SLC2A13: variants seen among roughly 807,000 people sequenced by gnomAD.
The protein encoded by SLC2A13 is proton myo-inositol cotransporter.
In SLC2A13, 32 loss-of-function variants were observed where a neutral mutation model predicts 64.4. The ratio of observed to expected loss-of-function variants is 0.50; its 90% CI spans 0.37 to 0.67. SLC2A13 has a LOEUF of 0.67. Ranked by LOEUF, SLC2A13 falls within the 30% of genes least tolerant of loss-of-function variation. SLC2A13 has a pLI of 0.00. For missense variants in SLC2A13, 743 were observed against 829.2 expected, an observed-to-expected ratio of 0.90 and a Z score of 1.28; for synonymous variants, 338 against 327.1, an observed-to-expected ratio of 1.03 and a Z score of -0.36.
At chr12:40,091,208 G>A (rs1401115463) in intron 1 of SLC2A13, among the ~76,000 whole-genome samples, 4 of 152,224 alleles carry the variant, frequency 2.6e-5, no homozygotes, top group Non-Finnish European at 4.4e-5. Context: ...CATCCTATAC[G>A]CAGTCATCCT....
chr12:39,947,697 G>GTCGC (rs151267774), intron 4 of SLC2A13, among the ~76,000 whole-genome samples: 9,678 of 141,206 alleles, frequency 0.069, 530 homozygotes, highest in East Asian at 0.31. Flanking sequence ...GTGTCGCTCA[G>GTCGC]TCGCCCAGGC....
rs979428651 is a variant in SLC2A13 at position 39,898,863 on chromosome 12, T to C, written c.1035-26902A>G. ...ATGTTTAAATAGGATATTTAGCATG[T>C]TCTTCACCCTTGTATATAAAATGGA... On this transcript the variant is annotated intron_variant, in intron 4 of 9. Transcript: ENST00000280871. 2.0e-5 allele frequency among the ~76,000 whole-genome samples: 3 copies of C among 152,178 alleles called. No individual in the cohort carries two copies. The South Asian group carries it at 6.2e-4, about 31-fold the overall frequency.
intron 3 of SLC2A13, among the ~76,000 whole-genome samples, chr12:40,021,338 T>G (rs1565593314): frequency 6.6e-6 from 1 of 152,190 alleles, no homozygotes; most frequent in East Asian, 1.9e-4. Context: ...TGTCTGGGGT[T>G]TAGAAAATCG....
chr12:39,772,563 T>A (rs1195240231), intron 7 of SLC2A13, among the ~76,000 whole-genome samples: 1 of 151,712 alleles, frequency 6.6e-6, no homozygotes, highest in African/African-American at 2.4e-5. Flanking sequence ...AGCAATGAAA[T>A]AGTCTTTTGA....
chr12:39,935,981 G>A (rs73092255), intron 4 of SLC2A13, among the ~76,000 whole-genome samples: 7,443 of 152,242 alleles, frequency 0.049, 246 homozygotes, highest in South Asian at 0.13. Flanking sequence ...ATACCCTTGC[G>A]TAGGGCAGTG....
At chr12:39,950,342 T>C (rs1313416023) in intron 4 of SLC2A13, 1 of 152,070 alleles carries the variant, frequency 6.6e-6, no homozygotes, top group African/African-American at 2.4e-5. Flanking sequence ...ATTCAATCAA[T>C]AGGCAGGGAG....
chr12:40,076,875 T>C (rs936343272), intron 1 of SLC2A13, among the ~76,000 whole-genome samples: 2 of 152,204 alleles, frequency 1.3e-5, no homozygotes, highest in African/African-American at 4.8e-5. Context: ...TGAGATGCTA[T>C]CTCATCATGG....
chr12:40,104,685 G>A (rs1176361862), intron 1 of SLC2A13, among the ~76,000 whole-genome samples: 2 of 152,216 alleles, frequency 1.3e-5, no homozygotes, highest in African/African-American at 4.8e-5. Flanking sequence ...AAAAGCAAAA[G>A]GAGATGCCAT....
intron 3 of SLC2A13, among the ~76,000 whole-genome samples, chr12:39,989,776 C>A (rs1048412629): frequency 6.6e-6 from 1 of 152,106 alleles, no homozygotes; most frequent in Non-Finnish European, 1.5e-5. Context: ...TTGAGAGAAT[C>A]CCCAGTAAAG....
intron 2 of SLC2A13, among the ~76,000 whole-genome samples, chr12:40,028,889 C>A (rs1178933794): frequency 6.6e-6 from 1 of 152,158 alleles, no homozygotes; most frequent in African/African-American, 2.4e-5. Flanking sequence ...TACGATAAAA[C>A]TTTCTGATAT....
In SLC2A13 at chr12:39,932,207, TA is replaced by T. The variant is rs145666054; in HGVS notation, c.1034+19049del. On this transcript the variant is annotated intron_variant, in intron 4 of 9. Coordinates refer to ENST00000280871, the MANE Select transcript of SLC2A13 (RefSeq NM_052885.4). The stretch of plus-strand genomic sequence containing the variant: ...AGTAAAGTAGGAAATAGAAAATGGA[TA>T]TTTTTTTCCAGTTATTTAATCAGTT... Among the ~76,000 whole-genome samples, 634 of 152,300 alleles carry T rather than the reference TA, an allele frequency of 4.2e-3. 4 individuals are homozygous for T. The highest frequency in any genetic ancestry group is 7.1e-3 in the Non-Finnish European group (486 of 68,012).
At position 39,784,296 on chromosome 12, in the gene SLC2A13, G is replaced by T. The variant is rs112453782; in HGVS notation, c.1446-19438C>A. Among the ~76,000 whole-genome samples the T allele has an allele frequency of 4.7e-3, 715 of 152,242 alleles. 3 individuals are homozygous for T. The highest frequency in any genetic ancestry group is 0.016 in the African/African-American group (650 of 41,540). The stretch of plus-strand genomic sequence containing the variant: ...ATCCTAAGCCAAAAGAACAAAGCTG[G>T]AGGCATCACGCTACCTGACTTCAAA... On this transcript the variant is annotated intron_variant, in intron 7 of 9. Transcript: ENST00000280871.
At chr12:40,071,664 T>C (rs1433587744) in intron 1 of SLC2A13, among the ~76,000 whole-genome samples, 4 of 152,188 alleles carry the variant, frequency 2.6e-5, no homozygotes, top group African/African-American at 4.8e-5. Flanking sequence ...GGTTATGATA[T>C]ATTGTATCTT....
At chr12:39,864,435 G>A (rs934607385) in intron 6 of SLC2A13, among the ~76,000 whole-genome samples, 2 of 152,172 alleles carry the variant, frequency 1.3e-5, no homozygotes, top group Non-Finnish European at 2.9e-5. Flanking sequence ...GAACACAGAG[G>A]TGACTGAATT....
At position 40,026,666 on chromosome 12, in the gene SLC2A13, A is replaced by G. The variant is rs190568042; in HGVS notation, c.925+1635T>C. ...TAAAAATTAAATTTTTATCCTTTAT[A>G]TAAATTAAGAAAAATACAGGCTCTA... On this transcript the variant is annotated intron_variant, in intron 3 of 9. Coordinates refer to ENST00000280871, the MANE Select transcript of SLC2A13 (RefSeq NM_052885.4). Among the ~76,000 whole-genome samples, 128 of 152,372 alleles carry G rather than the reference A, an allele frequency of 8.4e-4. 1 individual carries two copies. The highest frequency in any genetic ancestry group is 1.8e-3 in the Admixed American group (27 of 15,306).
At chr12:39,996,112 A>G (rs1385938661) in intron 3 of SLC2A13, among the ~76,000 whole-genome samples, 2 of 152,354 alleles carry the variant, frequency 1.3e-5, no homozygotes, top group South Asian at 4.1e-4. Context: ...AATATAGACA[A>G]TGAAACCCAG....
chr12:39,940,497 T>A (rs908050498), intron 4 of SLC2A13, among the ~76,000 whole-genome samples: 3 of 152,162 alleles, frequency 2.0e-5, no homozygotes, highest in Middle Eastern at 3.4e-3. Flanking sequence ...GAAAATTAAA[T>A]TAAATATGAT....
intron 4 of SLC2A13, among the ~76,000 whole-genome samples, chr12:39,938,930 C>T (rs1426615732): frequency 1.3e-5 from 2 of 152,122 alleles, no homozygotes; most frequent in South Asian, 2.1e-4. Context: ...TACTTGTCTA[C>T]ATGACAGCTC....
chr12:39,839,576 T>G (rs951852007), intron 6 of SLC2A13, among the ~76,000 whole-genome samples: 30 of 152,034 alleles, frequency 2.0e-4, no homozygotes, highest in African/African-American at 6.8e-4. Context: ...AAATTTTCCC[T>G]CTTTCCTACA....
Sources: allele counts gnomAD v4.1 joint callset (sites outside exome capture counted in the v4.1 genomes callset), GRCh38; gene constraint gnomAD v4.1.1; transcripts MANE v1.5; gene names NCBI Gene and HGNC (gene_info 2026-07-23, HGNC 2026-07-21).